CYB5R4: variants seen among roughly 807,000 people sequenced by gnomAD.
The protein encoded by CYB5R4 is N-terminal cytochrome b5 and cytochrome b5 oxidoreductase domain-containing protein.
Under a neutral mutation model 70.2 loss-of-function variants are expected in CYB5R4, and 55 were observed. The observed-to-expected ratio is 0.78, with a 90% CI of 0.63 to 0.98. The LOEUF is 0.98. Among genes scored for constraint, CYB5R4 ranks in the 50% least tolerant of loss-of-function variants. The pLI is 0.00. For missense variants in CYB5R4, 562 were observed against 612.6 expected (o/e 0.92, Z 0.87); for synonymous variants, 197 against 199.5 (o/e 0.99, Z 0.11).
intron 10 of CYB5R4, among the ~76,000 whole-genome samples, chr6:83,933,211 C>T (rs1038572786): frequency 3.9e-5 from 6 of 152,118 alleles, no homozygotes; most frequent in African/African-American, 1.4e-4. Context: ...GGCTCTTAGC[C>T]GTAATCTGGT....
At position 83,934,682 on chromosome 6, in the gene CYB5R4, C is replaced by G. The variant is rs1331943574; in HGVS notation, c.902C>G (p.Thr301Ser). Residue 301 changes from threonine (T) to serine (S), a missense_variant, in exon 11 of 16, where the codon ACT (threonine) becomes AGT (serine). Coordinates refer to ENST00000369681, the MANE Select transcript of CYB5R4 (RefSeq NM_016230.4). ...TTCTGTTTGATGCTGCCACCAAGCA[C>G]TCATCTTCAAGTGCCCATTGGGCAA... ...RLFCLMLPPS[T>S]HLQVPIGQHV... The G allele has an allele frequency of 6.2e-7, 1 of 1,613,822 alleles. No individual in the cohort carries two copies. The highest frequency in any genetic ancestry group is 1.7e-5 in the Admixed American group (1 of 59,974).
At chr6:83,952,110 CAA>C (rs2099471640) in intron 14 of CYB5R4, among the ~76,000 whole-genome samples, 1 of 151,806 alleles carries the variant, frequency 6.6e-6, no homozygotes, top group Non-Finnish European at 1.5e-5. Flanking sequence ...TTAGTTGGGG[CAA>C]AAGAGAGAGG....
chr6:83,901,710 T>C (rs2099463001), intron 3 of CYB5R4, among the ~76,000 whole-genome samples: 1 of 151,896 alleles, frequency 6.6e-6, no homozygotes, highest in Non-Finnish European at 1.5e-5. Context: ...TTCTTGTTTT[T>C]TTTTTTGTAA....
chr6:83,930,851 G>A (rs1442150656), intron 10 of CYB5R4, among the ~76,000 whole-genome samples: 2 of 151,292 alleles, frequency 1.3e-5, no homozygotes, highest in African/African-American at 4.9e-5. Flanking sequence ...CTCTGATGGA[G>A]ATATCTGTCA....
chr6:83,875,286 G>A (rs962671396), intron 2 of CYB5R4, among the ~76,000 whole-genome samples: 1 of 152,006 alleles, frequency 6.6e-6, no homozygotes, highest in Non-Finnish European at 1.5e-5. Context: ...AAATTTTAAT[G>A]TTTTTTTAGA....
intron 3 of CYB5R4, among the ~76,000 whole-genome samples, chr6:83,899,565 G>A (rs1415926742): frequency 6.6e-6 from 1 of 152,146 alleles, no homozygotes; most frequent in African/African-American, 2.4e-5. Context: ...TGTACCTCTG[G>A]TAGAATTCGG....
At chr6:83,922,678 A>G (rs559552525) in intron 9 of CYB5R4, among the ~76,000 whole-genome samples, 3 of 152,122 alleles carry the variant, frequency 2.0e-5, no homozygotes, top group Admixed American at 6.5e-5. Context: ...CGTTTGTTAC[A>G]TAGGTAAATG....
intron 4 of CYB5R4, among the ~76,000 whole-genome samples, chr6:83,911,141 A>G (rs1012826760): frequency 3.3e-5 from 5 of 152,222 alleles, no homozygotes; most frequent in African/African-American, 9.6e-5. Context: ...GCGGTGGCTC[A>G]TGCCTGTAAT....
intron 14 of CYB5R4, among the ~76,000 whole-genome samples, chr6:83,943,524 A>T (rs776558329): frequency 6.6e-6 from 1 of 152,190 alleles, no homozygotes; most frequent in Non-Finnish European, 1.5e-5. Flanking sequence ...CTATGCAAAA[A>T]GGCTGAAAAT....
At chr6:83,939,997 T>G in intron 12 of CYB5R4, 59 bp from the exon 13 acceptor site, 2 of 1,331,618 alleles carry the variant, frequency 1.5e-6, no homozygotes, top group Non-Finnish European at 2.1e-6. Flanking sequence ...CCCCGCTGGG[T>G]TTTTTGTTTT....
chr6:83,884,706 T>C (rs571572590), intron 2 of CYB5R4, among the ~76,000 whole-genome samples: 148 of 152,308 alleles, frequency 9.7e-4, no homozygotes, highest in African/African-American at 3.5e-3. Flanking sequence ...CAGTGAAATA[T>C]GCCATAATTT....
rs551692695 is a variant in CYB5R4, at chr6:83,896,899, G to A, written c.330+3277G>A. ...ATTTACATTCCCAACAACAGTGTGT[G>A]AGTTCCATTTTCTTTTTTTTTTTAT... On this transcript the variant is annotated intron_variant, in intron 3 of 15. Coordinates refer to ENST00000369681, the MANE Select transcript of CYB5R4 (RefSeq NM_016230.4). Among the ~76,000 whole-genome samples, 2 of 151,908 alleles carry A rather than the reference G, an allele frequency of 1.3e-5. 1 individual carries two copies. The highest frequency in any genetic ancestry group is 3.9e-4 in the East Asian group (2 of 5,174).
At chr6:83,933,431 T>C (rs866764927) in intron 10 of CYB5R4, among the ~76,000 whole-genome samples, 41 of 152,336 alleles carry the variant, frequency 2.7e-4, no homozygotes, top group Middle Eastern at 3.4e-3. Context: ...GAATTTCAGT[T>C]TTCTACTAAG....
chr6:83,894,567 A>T (rs547248305), intron 3 of CYB5R4, among the ~76,000 whole-genome samples: 2 of 152,210 alleles, frequency 1.3e-5, no homozygotes, highest in Non-Finnish European at 2.9e-5. Flanking sequence ...CAACACCCTC[A>T]CTCTCCCATG....
At chr6:83,924,374 G>A in intron 9 of CYB5R4, 96 bp from the exon 10 acceptor site, 2 of 1,278,394 alleles carry the variant, frequency 1.6e-6, no homozygotes, top group Non-Finnish European at 1.1e-6. Context: ...ATTCATATTA[G>A]ATCAGGACAC....
intron 3 of CYB5R4, among the ~76,000 whole-genome samples, chr6:83,900,699 T>C: frequency 6.6e-6 from 1 of 152,232 alleles, no homozygotes; most frequent in Non-Finnish European, 1.5e-5. Context: ...TCTTGTTGAA[T>C]TGATCCCTTT....
chr6:83,881,697 C>T (rs1297951932), intron 2 of CYB5R4, among the ~76,000 whole-genome samples: 1 of 152,144 alleles, frequency 6.6e-6, no homozygotes, highest in Non-Finnish European at 1.5e-5. Flanking sequence ...AACTTAGTTG[C>T]TGTCATCTCT....
chr6:83,867,590 A>G (rs2099456933), intron 2 of CYB5R4, among the ~76,000 whole-genome samples: 1 of 152,240 alleles, frequency 6.6e-6, no homozygotes, highest in Admixed American at 6.5e-5. Context: ...GTGAACCAGG[A>G]TGTTGACAAA....
At chr6:83,909,203 T>C (rs933240563) in intron 4 of CYB5R4, 113 bp downstream of exon 4, 30 of 761,418 alleles carry the variant, frequency 3.9e-5, no homozygotes, top group African/African-American at 5.2e-5. Context: ...GTAATTTTCA[T>C]TGGCCTCCTG....
Sources: gnomAD v4.1 joint callset for allele counts (sites outside exome capture counted in the v4.1 genomes callset) on GRCh38, gnomAD v4.1.1 for gene constraint, MANE v1.5 for transcripts, NCBI Gene and HGNC (gene_info 2026-07-23, HGNC 2026-07-21) for gene names.